DYTN: variants seen among roughly 807,000 people sequenced by gnomAD.
DYTN encodes the protein dystrotelin.
DYTN carries 75 observed loss-of-function variants against 69.6 expected under a neutral mutation model. The ratio of observed to expected loss-of-function variants is 1.08; its 90% CI spans 0.89 to 1.31. The LOEUF (loss-of-function observed/expected upper bound fraction) is 1.31. Among genes scored for constraint, DYTN ranks in the 50% most tolerant of loss-of-function variants. The pLI is 0.00. For missense variants in DYTN, 726 were observed against 688.4 expected, an observed-to-expected ratio of 1.05 and a Z score of -0.61; for synonymous variants, 252 against 249.1, an observed-to-expected ratio of 1.01 and a Z score of -0.11.
At chr2:206,681,464 G>A (rs1699749336) in intron 9 of DYTN, among the ~76,000 whole-genome samples, 1 of 152,122 alleles carries the variant, frequency 6.6e-6, no homozygotes, top group Non-Finnish European at 1.5e-5. Flanking sequence ...TTTTCAAAGG[G>A]AATGCTTCCA....
chr2:206,659,484 C>CAAAAAAAAAAAAA (rs772861150), intron 11 of DYTN, among the ~76,000 whole-genome samples: 13 of 64,572 alleles, frequency 2.0e-4, no homozygotes, highest in African/African-American at 6.8e-4. Flanking sequence ...CAACAATTCT[C>CAAAAAAAAAAAAA]AAAAAAAAAA....
intron 9 of DYTN, among the ~76,000 whole-genome samples, chr2:206,690,493 G>T (rs1219574428): frequency 6.6e-6 from 1 of 152,238 alleles, no homozygotes; most frequent in African/African-American, 2.4e-5. Flanking sequence ...GGCACCAGGA[G>T]TGGACCATGG....
At chr2:206,678,499 A>G (rs1699715988) in intron 9 of DYTN, among the ~76,000 whole-genome samples, 1 of 152,228 alleles carries the variant, frequency 6.6e-6, no homozygotes, top group Non-Finnish European at 1.5e-5. Flanking sequence ...ATGTATAAGA[A>G]TTTTAATAGT....
intron 3 of DYTN, among the ~76,000 whole-genome samples, chr2:206,706,496 A>T (rs1364875931): frequency 3.1e-5 from 2 of 64,946 alleles, no homozygotes; most frequent in African/African-American, 6.5e-5. Flanking sequence ...AAAAAAAATT[A>T]AAAAAAAAAA....
intron 9 of DYTN, among the ~76,000 whole-genome samples, chr2:206,690,232 C>G (rs917239838): frequency 3.3e-5 from 5 of 152,226 alleles, no homozygotes; most frequent in Middle Eastern, 6.8e-3. Context: ...GGGAGGTGAT[C>G]TAGGGTTGCC....
rs376875747 is a variant in DYTN, at chr2:206,710,526, T to C, written c.92A>G (p.Gln31Arg). 4.3e-6 allele frequency: 7 copies of C among 1,610,282 alleles called. No homozygotes were observed. In the African/African-American group the frequency reaches 8.0e-5, roughly 18 times the overall value. ...FKLQSVQTLC[Q>R]LDLIDSSLIQ... is the part of the protein sequence containing the mutation. ...ATTTCAGGAGAGCCTATACTTACAC[T>C]GGCACAGAGTTTGCACTGATTGTAA... is the stretch of plus-strand genomic sequence containing the variant. The change falls in exon 2 of 12, where the codon CAG becomes CGG. Residue 31 changes from glutamine to arginine, a missense_variant and splice_region_variant. By Grantham distance (43) the Gln-to-Arg change is conservative. Coordinates refer to ENST00000452335, the MANE Select transcript of DYTN (RefSeq NM_001093730.1).
intron 9 of DYTN, among the ~76,000 whole-genome samples, chr2:206,692,475 C>A (rs922638814): frequency 3.9e-5 from 6 of 151,990 alleles, no homozygotes; most frequent in African/African-American, 1.5e-4. Context: ...TAACCAAGTT[C>A]GCAATTTTTT....
chr2:206,692,358 CT>C (rs1326630436), intron 9 of DYTN, among the ~76,000 whole-genome samples: 1 of 151,784 alleles, frequency 6.6e-6, no homozygotes, highest in African/African-American at 2.4e-5. Flanking sequence ...TCACAAAAAC[CT>C]TTTAAAGGTC....
chr2:206,677,459 A>G (rs902741919), intron 9 of DYTN, among the ~76,000 whole-genome samples: 2 of 152,174 alleles, frequency 1.3e-5, no homozygotes, highest in Non-Finnish European at 2.9e-5. Flanking sequence ...TATATACTAC[A>G]GGAACCATGA....
intron 9 of DYTN, among the ~76,000 whole-genome samples, chr2:206,673,447 G>A (rs770444696): frequency 1.3e-5 from 2 of 151,976 alleles, no homozygotes; most frequent in African/African-American, 4.8e-5. Flanking sequence ...TAGTAGAGAC[G>A]GGGTTTCACC....
intron 11 of DYTN, among the ~76,000 whole-genome samples, chr2:206,660,800 C>T (rs185026399): frequency 2.8e-4 from 42 of 152,244 alleles, no homozygotes; most frequent in African/African-American, 9.6e-4. Context: ...ATTTTAGAAT[C>T]GCCGAATAAT....
intron 6 of DYTN, 22 bp downstream of exon 6, chr2:206,700,123 G>A (rs754477827): frequency 4.3e-6 from 7 of 1,613,750 alleles, no homozygotes; most frequent in East Asian, 4.5e-5. Flanking sequence ...CCCAACTCCA[G>A]GGACATTTGC....
chr2:206,708,955 T>C (rs1048777656), intron 2 of DYTN, among the ~76,000 whole-genome samples: 9 of 152,194 alleles, frequency 5.9e-5, no homozygotes, highest in Non-Finnish European at 1.0e-4. Context: ...GACTGGGACA[T>C]GTGAACAATT....
At chr2:206,665,140 A>T (rs1234940158) in intron 10 of DYTN, among the ~76,000 whole-genome samples, 1 of 152,220 alleles carries the variant, frequency 6.6e-6, no homozygotes, top group African/African-American at 2.4e-5. Context: ...CAGATACTTC[A>T]ACCGAAACAC....
At chr2:206,670,693 G>A (rs1266115439) in intron 9 of DYTN, 1 of 152,036 alleles carries the variant, frequency 6.6e-6, no homozygotes, top group Non-Finnish European at 1.5e-5. Context: ...CTGCTGTTTG[G>A]GTTTACATTC....
chr2:206,682,597 T>A (rs1699760744), intron 9 of DYTN, among the ~76,000 whole-genome samples: 1 of 152,164 alleles, frequency 6.6e-6, no homozygotes, highest in African/African-American at 2.4e-5. Flanking sequence ...CTACACTCTC[T>A]CTTTGATGAT....
chr2:206,708,347 C>T (rs1489406562), intron 2 of DYTN, among the ~76,000 whole-genome samples: 1 of 152,190 alleles, frequency 6.6e-6, no homozygotes, highest in African/African-American at 2.4e-5. Flanking sequence ...GCGCCAAGAG[C>T]TCCTGGCATT....
At chr2:206,701,161 A>G (rs1699972793) in intron 5 of DYTN, 1 of 152,246 alleles carries the variant, frequency 6.6e-6, no homozygotes, top group African/African-American at 2.4e-5. Context: ...ATCTACTGAG[A>G]TAACTCACTA....
At chr2:206,694,906 C>T (rs560831892) in intron 7 of DYTN, 29 bp from the exon 8 acceptor site, 25 of 1,269,166 alleles carry the variant, frequency 2.0e-5, no homozygotes, top group African/African-American at 8.1e-5. Flanking sequence ...GCACAGCTTA[C>T]GTCACTAGTA....
Sources: gnomAD v4.1 joint callset for allele counts (sites outside exome capture counted in the v4.1 genomes callset) on GRCh38, gnomAD v4.1.1 for gene constraint, MANE v1.5 for transcripts, NCBI Gene and HGNC (gene_info 2026-07-23, HGNC 2026-07-21) for gene names.